Variants in SLC16A12 observed in about 807,000 individuals in gnomAD.
The protein encoded by SLC16A12 is solute carrier family 16 member 12.
Under a neutral mutation model 42.4 loss-of-function variants are expected in SLC16A12, and 17 were observed. The observed-to-expected ratio is 0.40, with a 90% CI of 0.27 to 0.60. The LOEUF is 0.60. SLC16A12 is among the 20% of genes least tolerant of loss of function. The pLI, the probability that SLC16A12 is intolerant of heterozygous loss-of-function variation, is 0.42. For synonymous variants in SLC16A12, 224 were observed against 229.4 expected, an observed-to-expected ratio of 0.98 and a Z score of 0.21; for missense variants, 544 against 623.0, an observed-to-expected ratio of 0.87 and a Z score of 1.35.
Position 89,488,002 on chromosome 10 carries a change from A to ACAC in SLC16A12, c.-46-25381_-46-25379dup, listed in dbSNP as rs1554829918. 1.2e-4 allele frequency among the ~76,000 whole-genome samples: 17 copies of ACAC among 145,466 alleles called. No individual in the cohort carries two copies. In the South Asian group the frequency reaches 2.0e-3, roughly 17 times the overall value. ...TATATATATATATATATATACACAC[A>ACAC]CACATTTATTATACCATATTAATAT... On this transcript the variant is annotated intron_variant, in intron 2 of 7. Transcript: ENST00000371790.
chr10:89,508,460 C>T (rs924872945), intron 2 of SLC16A12, among the ~76,000 whole-genome samples: 1 of 152,188 alleles, frequency 6.6e-6, no homozygotes, highest in Non-Finnish European at 1.5e-5. Flanking sequence ...AACTGAACAA[C>T]CTGCTCCTGA....
chr10:89,443,782 A>G lies in SLC16A12; in HGVS notation c.278T>C (p.Ile93Thr), dbSNP rs1399208997. Residue 93 changes from isoleucine to threonine, a missense_variant, in exon 4 of 8, where the codon ATT becomes ACT. Ile to Thr is a moderately conservative substitution (Grantham distance 89). Transcript: ENST00000371790. ...ACAGAGCATGGTCACACAATCTACA[A>G]TGGAATGGATCCATGCCGTTTGTGC... The part of the protein sequence containing the change: ...DYAQTAWIHS[I>T]VDCVTMLCAP... The G allele has an allele frequency of 3.7e-6, 6 of 1,613,718 alleles. No homozygotes were observed. The highest frequency in any genetic ancestry group is 4.2e-6 in the Non-Finnish European group (5 of 1,179,692).
intron 4 of SLC16A12, among the ~76,000 whole-genome samples, 190 bp from the exon 5 acceptor site, chr10:89,441,441 G>T (rs563260408): frequency 6.6e-6 from 1 of 152,270 alleles, no homozygotes; most frequent in Non-Finnish European, 1.5e-5. Flanking sequence ...AAGCAGCAGG[G>T]TTGGAATAGA....
intron 3 of SLC16A12, among the ~76,000 whole-genome samples, chr10:89,448,417 T>G (rs773285578): frequency 6.6e-6 from 1 of 151,728 alleles, no homozygotes; most frequent in Non-Finnish European, 1.5e-5. Flanking sequence ...CAAGATCAAG[T>G]TGGCTTCATC....
chr10:89,553,159 G>T (rs1051762041), intron 2 of SLC16A12, among the ~76,000 whole-genome samples: 1 of 152,174 alleles, frequency 6.6e-6, no homozygotes, highest in Non-Finnish European at 1.5e-5. Context: ...AGTAAAATCC[G>T]TATGCATATC....
At chr10:89,549,333 T>A (rs965121170) in intron 2 of SLC16A12, among the ~76,000 whole-genome samples, 2 of 152,238 alleles carry the variant, frequency 1.3e-5, no homozygotes, top group Non-Finnish European at 2.9e-5. Context: ...TCAAGTGCTA[T>A]ACCAATTATA....
intron 1 of SLC16A12, among the ~76,000 whole-genome samples, chr10:89,535,080 G>A (rs1005415494): frequency 3.3e-5 from 5 of 152,048 alleles, no homozygotes; most frequent in Admixed American, 2.0e-4. Flanking sequence ...TGAGGTGGGG[G>A]ACGGGGAGAG....
At chr10:89,465,819 C>T (rs891143899) in intron 2 of SLC16A12, among the ~76,000 whole-genome samples, 1 of 152,140 alleles carries the variant, frequency 6.6e-6, no homozygotes, top group African/African-American at 2.4e-5. Flanking sequence ...CTCCCGTTCC[C>T]ATGTCAGTGA....
upstream of SLC16A12, among the ~76,000 whole-genome samples, chr10:89,535,786 G>C (rs529023523): frequency 4.6e-5 from 7 of 152,242 alleles, no homozygotes; most frequent in African/African-American, 1.7e-4. Context: ...CGGGCCCCAG[G>C]CTGCGCGATC....
At chr10:89,452,578 C>G (rs191738734) in intron 3 of SLC16A12, among the ~76,000 whole-genome samples, 10 of 152,242 alleles carry the variant, frequency 6.6e-5, no homozygotes, top group Admixed American at 3.9e-4. Flanking sequence ...GCTTTTTGAG[C>G]AAGGGGCCCT....
At chr10:89,472,487 CTTTTTTTTT>C (rs71022567) in intron 2 of SLC16A12, among the ~76,000 whole-genome samples, 1 of 89,896 alleles carries the variant, frequency 1.1e-5, no homozygotes, top group Non-Finnish European at 2.2e-5. Context: ...TCTTTTCTTT[CTTTTTTTTT>C]TTTTTTTTTT....
At chr10:89,487,647 A>G (rs1214738334) in intron 2 of SLC16A12, among the ~76,000 whole-genome samples, 1 of 110,126 alleles carries the variant, frequency 9.1e-6, no homozygotes, top group Non-Finnish European at 1.7e-5. Context: ...CTAAAAATAC[A>G]AAAAAAAAAA....
At chr10:89,545,433 CAG>C (rs1026028289) in intron 2 of SLC16A12, among the ~76,000 whole-genome samples, 1 of 152,092 alleles carries the variant, frequency 6.6e-6, no homozygotes, top group Admixed American at 6.6e-5. Flanking sequence ...AGTAGACAAG[CAG>C]AGAGTCAAAT....
At chr10:89,481,664 T>TGAGAGA (rs1554829318) in intron 2 of SLC16A12, among the ~76,000 whole-genome samples, 1,494 of 139,574 alleles carry the variant, frequency 0.011, 10 homozygotes, top group Middle Eastern at 0.018. Context: ...TGTGTGTGTG[T>TGAGAGA]GAGAGAGAGA....
chr10:89,537,004 AT>A (rs1418199131), upstream of SLC16A12, among the ~76,000 whole-genome samples: 1 of 151,482 alleles, frequency 6.6e-6, no homozygotes, highest in Non-Finnish European at 1.5e-5. Context: ...CGCCCAGCTA[AT>A]TTTTTGTATC....
chr10:89,550,475 C>T lies in SLC16A12; in HGVS notation c.-47+5407G>A, dbSNP rs191900222. 3.2e-3 allele frequency among the ~76,000 whole-genome samples: 484 copies of T among 152,248 alleles called. 2 individuals are homozygous for T. Among genetic ancestry groups the T allele is most frequent in the African/African-American group, 0.01 (427 of 41,550 alleles). On this transcript the variant is annotated intron_variant, in intron 2 of 2. Transcript: ENST00000475682. ...CGGAGGTTGCAGTGAGCTGAGATCG[C>T]GCCACTGCACTCCAGCCTGGGCTAT...
intron 2 of SLC16A12, among the ~76,000 whole-genome samples, chr10:89,544,585 T>C (rs1843732497): frequency 6.6e-6 from 1 of 152,254 alleles, no homozygotes; most frequent in African/African-American, 2.4e-5. Context: ...AATACAATTA[T>C]TTAATTTTCA....
chr10:89,512,478 C>T (rs1301496402), intron 2 of SLC16A12, among the ~76,000 whole-genome samples: 1 of 152,128 alleles, frequency 6.6e-6, no homozygotes, highest in African/African-American at 2.4e-5. Context: ...CCCAAGCCAC[C>T]CTTGACCTTA....
At chr10:89,517,677 G>C (rs1444556292) in intron 2 of SLC16A12, among the ~76,000 whole-genome samples, 2 of 152,082 alleles carry the variant, frequency 1.3e-5, no homozygotes, top group Non-Finnish European at 2.9e-5. Flanking sequence ...GGGCATCTCT[G>C]AGAAATAATG....
Sources: allele counts gnomAD v4.1 joint callset (sites outside exome capture counted in the v4.1 genomes callset), GRCh38; gene constraint gnomAD v4.1.1; transcripts MANE v1.5; gene names NCBI Gene and HGNC (gene_info 2026-07-23, HGNC 2026-07-21).